TCF4: variants seen among roughly 807,000 people sequenced by gnomAD.
TCF4 encodes the protein SL3-3 enhancer factor 2.
In TCF4, 3 loss-of-function variants were observed where a neutral mutation model predicts 82.1. That is an observed-to-expected ratio of 0.04 (90% CI 0.02 to 0.09). TCF4 has a LOEUF of 0.09. Among genes scored for constraint, TCF4 ranks in the 10% least tolerant of loss-of-function variants. The pLI, the probability that TCF4 is intolerant of heterozygous loss-of-function variation, is 1.00. For missense variants in TCF4, 518 were observed against 852.7 expected, an observed-to-expected ratio of 0.61 and a Z score of 4.89; for synonymous variants, 276 against 309.6, an observed-to-expected ratio of 0.89 and a Z score of 1.14.
chr18:55,602,454 C>T (rs1392394940), intron 2 of TCF4, among the ~76,000 whole-genome samples: 1 of 152,192 alleles, frequency 6.6e-6, no homozygotes. Context: ...TTGGATGCCT[C>T]TCCTGCCTCA....
chr18:55,325,805 C>T (rs969469101), intron 8 of TCF4, among the ~76,000 whole-genome samples: 21 of 151,994 alleles, frequency 1.4e-4, no homozygotes, highest in Admixed American at 1.1e-3. Context: ...ACATCATATC[C>T]TAAGGAAAAT....
rs193101641 is a variant in TCF4, at chr18:55,629,598, C to T, written c.286+1700G>A. ...GAAACTCAGAACCCGGGTGAGTGAA[C>T]GCCTGTGTGCAGCTGCTATAAAACT... is the stretch of plus-strand genomic sequence containing the variant. On this transcript the variant is annotated intron_variant, in intron 2 of 20. Transcript: ENST00000398339. Among the ~76,000 whole-genome samples, 626 of 152,192 alleles carry T rather than the reference C, an allele frequency of 4.1e-3. 2 individuals are homozygous for T. Among genetic ancestry groups the T allele is most frequent in the Non-Finnish European group, 5.8e-3 (394 of 67,998 alleles).
intron 8 of TCF4, among the ~76,000 whole-genome samples, chr18:55,330,012 C>T (rs1404289103): frequency 2.0e-5 from 3 of 152,080 alleles, no homozygotes; most frequent in Non-Finnish European, 2.9e-5. Context: ...AACTGAATGC[C>T]ACATTCTTTA....
intron 3 of TCF4, among the ~76,000 whole-genome samples, chr18:55,510,972 T>C (rs2067297932): frequency 6.6e-6 from 1 of 152,156 alleles, no homozygotes; most frequent in Admixed American, 6.5e-5. Flanking sequence ...CCCACTGCAA[T>C]AAGCACAATA....
intron 6 of TCF4, among the ~76,000 whole-genome samples, chr18:55,391,463 T>C (rs2093086267): frequency 6.6e-6 from 1 of 152,138 alleles, no homozygotes; most frequent in Non-Finnish European, 1.5e-5. Context: ...TTGTAAGTGA[T>C]GACCCTCTCT....
intron 12 of TCF4, 79 bp downstream of exon 12, chr18:55,261,387 A>C: frequency 1.3e-6 from 2 of 1,548,786 alleles, no homozygotes; most frequent in Non-Finnish European, 1.8e-6. Context: ...TCATTTTCTA[A>C]AATTCCAAAT....
At chr18:55,453,062 T>G (rs1431674986) in intron 5 of TCF4, among the ~76,000 whole-genome samples, 7 of 152,222 alleles carry the variant, frequency 4.6e-5, no homozygotes, top group African/African-American at 1.7e-4. Context: ...AAGCCCAGTA[T>G]GAGTCCCAAA....
At chr18:55,247,644 G>C (rs1432708793) in intron 15 of TCF4, among the ~76,000 whole-genome samples, 1 of 152,184 alleles carries the variant, frequency 6.6e-6, no homozygotes, top group African/African-American at 2.4e-5. Flanking sequence ...ACACTAAAAG[G>C]TTCTTGTGGA....
chr18:55,236,091 G>A (rs932485996), intron 15 of TCF4, among the ~76,000 whole-genome samples: 1 of 147,674 alleles, frequency 6.8e-6, no homozygotes. Context: ...GTGTGTGTGT[G>A]TGTATGCACT....
intron 11 of TCF4, chr18:55,268,734 A>G (rs752711486): frequency 3.9e-5 from 6 of 152,142 alleles, no homozygotes; most frequent in Non-Finnish European, 7.4e-5. Context: ...CACTTCCCCA[A>G]ATTCTACACA....
intron 5 of TCF4, among the ~76,000 whole-genome samples, chr18:55,421,931 C>T (rs8098843): frequency 0.25 from 38,121 of 151,824 alleles, 5,071 homozygotes; most frequent in East Asian, 0.48. Flanking sequence ...AAATATTTGT[C>T]GATATCTCTG....
At chr18:55,273,020 C>T (rs2060708091) in intron 10 of TCF4, among the ~76,000 whole-genome samples, 2 of 152,124 alleles carry the variant, frequency 1.3e-5, no homozygotes, top group African/African-American at 2.4e-5. Flanking sequence ...AAAAAGAACT[C>T]TGCCAAGTCA....
At chr18:55,406,129 T>C (rs890895297) in intron 5 of TCF4, among the ~76,000 whole-genome samples, 1 of 77,504 alleles carries the variant, frequency 1.3e-5, no homozygotes, top group Non-Finnish European at 2.5e-5. Flanking sequence ...AGGTGGACTT[T>C]TTTTTTTTTT....
chr18:55,534,291 A>C (rs1163269279), intron 3 of TCF4, among the ~76,000 whole-genome samples: 1 of 152,248 alleles, frequency 6.6e-6, no homozygotes, highest in African/African-American at 2.4e-5. Context: ...CATGGAACTT[A>C]CATGGGTAGT....
chr18:55,460,298 G>A (rs972186245), intron 5 of TCF4, among the ~76,000 whole-genome samples: 5 of 151,946 alleles, frequency 3.3e-5, no homozygotes, highest in African/African-American at 1.2e-4. Context: ...CAGCTATTGG[G>A]ACCTTTTAAG....
chr18:55,320,490 T>G (rs1457373552), intron 8 of TCF4, among the ~76,000 whole-genome samples: 1 of 152,248 alleles, frequency 6.6e-6, no homozygotes, highest in Non-Finnish European at 1.5e-5. Context: ...TTCAAACAGT[T>G]GTGTATATGT....
intron 6 of TCF4, chr18:55,402,064 A>T: frequency 1.0e-6 from 1 of 985,452 alleles, no homozygotes; most frequent in South Asian, 4.7e-5. Context: ...CATTCCAAAG[A>T]TGTTTCCGTT....
intron 5 of TCF4, chr18:55,422,124 CCA>C: frequency 1.6e-6 from 1 of 643,084 alleles, no homozygotes; most frequent in Non-Finnish European, 1.8e-6. Context: ...CCACTATCAT[CCA>C]AAAAAAAAAA....
intron 17 of TCF4, chr18:55,230,558 A>C (rs1010152240): frequency 2.6e-5 from 4 of 152,240 alleles, no homozygotes; most frequent in Non-Finnish European, 4.4e-5. Flanking sequence ...ACTGAACATC[A>C]GTAGACTCCC....
Sources: gnomAD v4.1 joint callset for allele counts (sites outside exome capture counted in the v4.1 genomes callset) on GRCh38, gnomAD v4.1.1 for gene constraint, MANE v1.5 for transcripts, NCBI Gene and HGNC (gene_info 2026-07-23, HGNC 2026-07-21) for gene names.